PRELID2: variants seen among roughly 807,000 people sequenced by gnomAD.
PRELID2 encodes the protein PRELI domain containing 2.
In PRELID2, 25 loss-of-function variants were observed where a neutral mutation model predicts 28.4. The observed-to-expected ratio is 0.88, with a 90% CI of 0.64 to 1.23. The LOEUF (loss-of-function observed/expected upper bound fraction) is 1.23, where lower values mean the gene tolerates loss of function less well. Ranked by LOEUF, PRELID2 falls within the 50% of genes most tolerant of loss-of-function variation. The pLI, the probability that PRELID2 is intolerant of heterozygous loss-of-function variation, is 0.00. For synonymous variants in PRELID2, 76 were observed against 71.6 expected, an observed-to-expected ratio of 1.06 and a Z score of -0.31; for missense variants, 201 against 214.4, an observed-to-expected ratio of 0.94 and a Z score of 0.39.
chr5:145,470,221 A>G (rs1054944013), downstream of PRELID2, among the ~76,000 whole-genome samples: 1 of 152,092 alleles, frequency 6.6e-6, no homozygotes, highest in Non-Finnish European at 1.5e-5. Context: ...CTCCTTCTGT[A>G]GCAAAAAAGA....
chr5:145,556,047 G>A (rs534837977), intron 1 of PRELID2, among the ~76,000 whole-genome samples: 3 of 151,952 alleles, frequency 2.0e-5, no homozygotes, highest in Admixed American at 6.6e-5. Flanking sequence ...GTGTGGTGGC[G>A]TGTGCCTGTA....
rs370966666 is a variant in PRELID2, at chr5:145,736,367, G to C, written n.70+28564C>G. On this transcript the variant is annotated intron_variant and non_coding_transcript_variant, in intron 1 of 2. Transcript: ENST00000510259. ...ATGATGAGGAATCAAACCTCACAGAGGGTAACTAACTTTCCCAAGAACACA... is the reference window on the plus strand; with the variant it reads ...ATGATGAGGAATCAAACCTCACAGACGGTAACTAACTTTCCCAAGAACACA... Among the ~76,000 whole-genome samples, 8 of 140,022 alleles carry C rather than the reference G, an allele frequency of 5.7e-5. 1 individual carries two copies. The East Asian group carries it at 8.7e-4, about 15-fold the overall frequency. 91.9% of individuals were successfully genotyped at this position (140,022 alleles called of 152,430 possible).
intron 1 of PRELID2, among the ~76,000 whole-genome samples, chr5:145,622,977 A>T (rs867031509): frequency 3.0e-4 from 46 of 152,102 alleles, no homozygotes; most frequent in South Asian, 4.1e-4. Context: ...ACAATTTTTT[A>T]AAAAATTATA....
At chr5:145,529,595 A>G (rs1237811123) in intron 1 of PRELID2, among the ~76,000 whole-genome samples, 1 of 152,200 alleles carries the variant, frequency 6.6e-6, no homozygotes, top group Non-Finnish European at 1.5e-5. Context: ...ATATTGACTG[A>G]GTGCCTACTA....
chr5:145,494,356 GA>G lies in PRELID2; in HGVS notation n.71-21042del, dbSNP rs371699448. 1.2e-4 allele frequency among the ~76,000 whole-genome samples: 19 copies of G among 152,156 alleles called. No homozygotes were observed. The East Asian group carries it at 3.7e-3, about 29-fold the overall frequency. ...TAGGCACAAATCAGTATTCAGTCTT[GA>G]AAAAATACTTCTTTGAAATATTTTC... is the stretch of plus-strand genomic sequence containing the variant. On this transcript the variant is annotated intron_variant and non_coding_transcript_variant, in intron 1 of 2. Transcript: ENST00000510259.
chr5:145,255,822 G>C, the PRELID2 span, among the ~76,000 whole-genome samples: 1 of 149,878 alleles, frequency 6.7e-6, no homozygotes, highest in Non-Finnish European at 1.5e-5. Context: ...AACACAGAGA[G>C]AGTAAAAATA....
the PRELID2 span, among the ~76,000 whole-genome samples, chr5:145,415,336 G>T: frequency 1.3e-5 from 2 of 151,284 alleles, no homozygotes; most frequent in African/African-American, 4.9e-5. Flanking sequence ...CAATGTGCAG[G>T]TTAGTTACAT....
chr5:145,680,337 A>C (rs929377255), intron 1 of PRELID2, among the ~76,000 whole-genome samples: 1 of 152,220 alleles, frequency 6.6e-6, no homozygotes, highest in African/African-American at 2.4e-5. Flanking sequence ...ATGATGTAGA[A>C]CTTCAGCTCA....
At chr5:145,789,043 G>A (rs1362163880) in intron 5 of PRELID2, among the ~76,000 whole-genome samples, 3 of 152,126 alleles carry the variant, frequency 2.0e-5, no homozygotes, top group Non-Finnish European at 1.5e-5. Flanking sequence ...TAGCTTGAAA[G>A]AATTAATATT....
At chr5:145,314,802 C>G in the PRELID2 span, among the ~76,000 whole-genome samples, 1 of 151,752 alleles carries the variant, frequency 6.6e-6, no homozygotes, top group East Asian at 1.9e-4. Context: ...TTTGACATTT[C>G]TTTTTATTCA....
the PRELID2 span, among the ~76,000 whole-genome samples, chr5:145,322,635 A>G: frequency 6.6e-6 from 1 of 152,258 alleles, no homozygotes; most frequent in Non-Finnish European, 1.5e-5. Flanking sequence ...ATTTCAATAA[A>G]TACTTACTAG....
the PRELID2 span, among the ~76,000 whole-genome samples, chr5:145,340,441 C>T: frequency 1.3e-5 from 2 of 152,128 alleles, no homozygotes; most frequent in Admixed American, 6.5e-5. Context: ...CTGCCATGAC[C>T]AGCACCCATG....
chr5:145,410,147 T>C, the PRELID2 span, among the ~76,000 whole-genome samples: 1 of 152,182 alleles, frequency 6.6e-6, no homozygotes, highest in Non-Finnish European at 1.5e-5. Flanking sequence ...TCTCACCTTA[T>C]ACATAAATCA....
intron 3 of PRELID2, among the ~76,000 whole-genome samples, chr5:145,819,029 G>C (rs1400049592): frequency 6.6e-6 from 1 of 152,096 alleles, no homozygotes; most frequent in Non-Finnish European, 1.5e-5. Context: ...TTTTATAAAG[G>C]GCAGTTCCCC....
At chr5:145,528,984 G>A (rs1205555143) in intron 1 of PRELID2, among the ~76,000 whole-genome samples, 1 of 152,080 alleles carries the variant, frequency 6.6e-6, no homozygotes, top group Non-Finnish European at 1.5e-5. Context: ...AATCTTTCTA[G>A]ACATTTTACC....
the PRELID2 span, among the ~76,000 whole-genome samples, chr5:145,426,570 A>T: frequency 6.6e-6 from 1 of 152,328 alleles, no homozygotes; most frequent in East Asian, 1.9e-4. Context: ...AATAGTCAAC[A>T]TTTATGGTAC....
intron 1 of PRELID2, among the ~76,000 whole-genome samples, chr5:145,679,322 G>A (rs561724899): frequency 3.9e-5 from 6 of 152,258 alleles, no homozygotes; most frequent in Admixed American, 6.5e-5. Flanking sequence ...GTAGGAATCT[G>A]GAAACTTCTG....
the PRELID2 span, among the ~76,000 whole-genome samples, chr5:145,433,904 C>A: frequency 3.3e-5 from 5 of 152,288 alleles, no homozygotes; most frequent in East Asian, 1.9e-4. Flanking sequence ...ATGTTGAATT[C>A]TCTCCATTAA....
At chr5:145,773,184 A>G (rs991568284) in intron 5 of PRELID2, among the ~76,000 whole-genome samples, 30 of 152,236 alleles carry the variant, frequency 2.0e-4, no homozygotes, top group Admixed American at 1.9e-3. Context: ...AAAGGACCTT[A>G]TATTTTCTAG....
Sources: allele counts gnomAD v4.1 joint callset (sites outside exome capture counted in the v4.1 genomes callset), GRCh38; gene constraint gnomAD v4.1.1; transcripts MANE v1.5; gene names NCBI Gene and HGNC (gene_info 2026-07-23, HGNC 2026-07-21).